Variants in UHRF2 observed in about 807,000 individuals in gnomAD.
UHRF2 encodes the protein ubiquitin like with PHD and ring finger domains 2.
A neutral mutation model predicts 96.8 loss-of-function variants in UHRF2; 23 were observed. The ratio of observed to expected loss-of-function variants is 0.24; its 90% CI spans 0.17 to 0.34. UHRF2 has a LOEUF of 0.34. Among genes scored for constraint, UHRF2 ranks in the 10% least tolerant of loss-of-function variants. The pLI, the probability that UHRF2 is intolerant of heterozygous loss-of-function variation, is 1.00. For synonymous variants in UHRF2, 385 were observed against 332.6 expected (o/e 1.16, Z -1.72); for missense variants, 685 against 981.5 (o/e 0.70, Z 4.04).
intron 4 of UHRF2, among the ~76,000 whole-genome samples, chr9:6,471,641 C>G (rs922213691): frequency 6.6e-6 from 1 of 152,124 alleles, no homozygotes; most frequent in African/African-American, 2.4e-5. Context: ...CACCCCTGAC[C>G]AATGGCTTAA....
chr9:6,501,888 T>C (rs1348346872), intron 14 of UHRF2, among the ~76,000 whole-genome samples: 1 of 152,166 alleles, frequency 6.6e-6, no homozygotes, highest in African/African-American at 2.4e-5. Context: ...CCACTGTAGG[T>C]GGGAGAGAAG....
chr9:6,460,345 A>G (rs1402584802), intron 3 of UHRF2, among the ~76,000 whole-genome samples: 2 of 152,192 alleles, frequency 1.3e-5, no homozygotes, highest in African/African-American at 4.8e-5. Flanking sequence ...TCCAAGGCCT[A>G]GTGGGAATGG....
intron 1 of UHRF2, among the ~76,000 whole-genome samples, chr9:6,416,612 C>T (rs543542755): frequency 6.8e-6 from 1 of 147,376 alleles, no homozygotes; most frequent in Admixed American, 6.9e-5. Flanking sequence ...GCGCGATCTC[C>T]GCTCACTGCA....
intron 6 of UHRF2, among the ~76,000 whole-genome samples, chr9:6,479,944 A>C (rs1209839624): frequency 6.6e-6 from 1 of 152,182 alleles, no homozygotes; most frequent in African/African-American, 2.4e-5. Flanking sequence ...CCGTTCTCCC[A>C]TAGCAGCAGA....
intron 3 of UHRF2, among the ~76,000 whole-genome samples, chr9:6,450,223 AGG>A (rs1248900428): frequency 3.9e-5 from 6 of 151,950 alleles, no homozygotes; most frequent in Non-Finnish European, 8.8e-5. Context: ...AAATGTACTT[AGG>A]TTGTTCAAAT....
At chr9:6,416,413 C>G (rs1006065723) in intron 1 of UHRF2, among the ~76,000 whole-genome samples, 1 of 151,648 alleles carries the variant, frequency 6.6e-6, no homozygotes, top group African/African-American at 2.4e-5. Context: ...CAATTCAGGG[C>G]TATAAGTTTT....
rs560335759 is a variant in UHRF2, at chr9:6,434,208, T to A, written c.644+35T>A. ...CAAGCTATTGAGGACTTTATTCATA[T>A]TTTCATTTGTAGAAACCAAAGCCTT... is the stretch of plus-strand genomic sequence containing the variant. On this transcript the variant is annotated intron_variant, in intron 3 of 15. Transcript: ENST00000276893. The A allele has an allele frequency of 2.4e-5, 38 of 1,567,966 alleles. No homozygotes were observed. The South Asian group carries it at 4.2e-4, about 17-fold the overall frequency.
chr9:6,444,697 G>A (rs577676061), intron 3 of UHRF2, among the ~76,000 whole-genome samples: 3 of 152,128 alleles, frequency 2.0e-5, no homozygotes, highest in Non-Finnish European at 2.9e-5. Flanking sequence ...CCCCTCCAGG[G>A]TTCAAGTGAT....
rs1331937798 is a variant in UHRF2, at chr9:6,497,500, G to T, written c.1767+140G>T. On this transcript the variant is annotated intron_variant, in intron 11 of 15. Transcript: ENST00000276893. Reference sequence around the variant, plus strand: ...TACTTTTTCTGGAAATTGAACAGATGCATAAAGCAAACTCTTAACTTCAGC... The same window carrying T: ...TACTTTTTCTGGAAATTGAACAGATTCATAAAGCAAACTCTTAACTTCAGC... 7.6e-6 allele frequency: 7 copies of T among 921,500 alleles called. No individual in the cohort carries two copies. In the African/African-American group the frequency reaches 1.0e-4, roughly 13 times the overall value. 57.1% of individuals were successfully genotyped at this position (921,500 alleles called of 1,614,324 possible).
intron 3 of UHRF2, among the ~76,000 whole-genome samples, chr9:6,445,631 C>G (rs142677414): frequency 0.023 from 3,512 of 152,298 alleles, 60 homozygotes; most frequent in South Asian, 0.043. Context: ...AACCACAGCT[C>G]ACTGCAACCT....
chr9:6,426,715 A>C (rs1182559383), intron 2 of UHRF2, among the ~76,000 whole-genome samples: 4 of 152,168 alleles, frequency 2.6e-5, no homozygotes, highest in African/African-American at 9.7e-5. Flanking sequence ...AAAACCATTT[A>C]GAAGCTGCTA....
chr9:6,483,889 A>C (rs1824083941), intron 8 of UHRF2, among the ~76,000 whole-genome samples: 1 of 151,982 alleles, frequency 6.6e-6, no homozygotes, highest in African/African-American at 2.4e-5. Flanking sequence ...GGGTTTCTCC[A>C]TGTTGGTCAG....
At chr9:6,443,708 C>T (rs1821324629) in intron 3 of UHRF2, among the ~76,000 whole-genome samples, 1 of 152,036 alleles carries the variant, frequency 6.6e-6, no homozygotes. Flanking sequence ...GTTGCTTAAA[C>T]CAAATAGGTT....
At chr9:6,475,369 C>A (rs753967714) in intron 4 of UHRF2, 22 bp from the exon 5 acceptor site, 3 of 1,454,120 alleles carry the variant, frequency 2.1e-6, no homozygotes, top group Non-Finnish European at 2.8e-6. Flanking sequence ...CAGAAGTTAA[C>A]CTTTCTTCCT....
chr9:6,460,915 C>G, intron 4 of UHRF2, 124 bp downstream of exon 4: 1 of 678,540 alleles, frequency 1.5e-6, no homozygotes, highest in Non-Finnish European at 2.3e-6. Flanking sequence ...AATTTCCATA[C>G]TGAAGGAGAA....
chr9:6,500,660 A>G lies in UHRF2; in HGVS notation c.2114A>G (p.Gln705Arg), dbSNP rs1816238151. 1.2e-6 allele frequency: 2 copies of G among 1,613,892 alleles called. No homozygotes were observed. Among genetic ancestry groups the G allele is most frequent in the Non-Finnish European group, 8.5e-7 (1 of 1,179,876 alleles). Residue 705 changes from glutamine (Q) to arginine (R), a missense_variant, in exon 14 of 16, where the codon CAA becomes CGA. Coordinates refer to ENST00000276893, the MANE Select transcript of UHRF2 (RefSeq NM_152896.3). ...CAACATCTCATCAGAGAAGATTGTCAAAACCAGAAGCTGTGGGATGAAGTG... is the reference window on the plus strand; with the variant it reads ...CAACATCTCATCAGAGAAGATTGTCGAAACCAGAAGCTGTGGGATGAAGTG... Reference protein sequence around the residue: ...QQQHLIREDCQNQKLWDEVLS... With the variant: ...QQQHLIREDCRNQKLWDEVLS...
chr9:6,486,252 T>C (rs1389558671), intron 8 of UHRF2, among the ~76,000 whole-genome samples: 2 of 152,190 alleles, frequency 1.3e-5, no homozygotes, highest in African/African-American at 4.8e-5. Flanking sequence ...GGATCTGTTG[T>C]GAGCATTCAT....
chr9:6,428,093 A>T (rs1239532049), intron 2 of UHRF2, among the ~76,000 whole-genome samples: 1 of 152,240 alleles, frequency 6.6e-6, no homozygotes, highest in Non-Finnish European at 1.5e-5. Context: ...TTAGCTGAGC[A>T]TGTGGCACTG....
chr9:6,447,934 A>G (rs1377722004), intron 3 of UHRF2, among the ~76,000 whole-genome samples: 2 of 152,220 alleles, frequency 1.3e-5, no homozygotes, highest in East Asian at 1.9e-4. Flanking sequence ...AACTAAAAAC[A>G]AGAGGATTGG....
Sources: allele counts gnomAD v4.1 joint callset (sites outside exome capture counted in the v4.1 genomes callset), GRCh38; gene constraint gnomAD v4.1.1; transcripts MANE v1.5; gene names NCBI Gene and HGNC (gene_info 2026-07-23, HGNC 2026-07-21).